The following CCDC171 variants were observed in gnomAD, a reference collection of about 807,000 sequenced individuals.
CCDC171 encodes the protein coiled-coil domain containing 171, also known as coiled-coil domain-containing protein 171.
CCDC171 carries 177 observed loss-of-function variants against 168.2 expected under a neutral mutation model. The observed-to-expected ratio is 1.05, with a 90% confidence interval of 0.93 to 1.19. CCDC171 has a LOEUF of 1.19. Ranked by LOEUF, CCDC171 falls within the 50% of genes most tolerant of loss-of-function variation. The pLI is 0.00. For missense variants in CCDC171, 1,991 were observed against 1,539.0 expected (o/e 1.29, Z -4.91); for synonymous variants, 687 against 540.8 (o/e 1.27, Z -3.75).
At chr9:15,976,460 G>A (rs1490124585), downstream of CCDC171, among the ~76,000 whole-genome samples, 1 of 151,884 alleles carries the variant, frequency 6.6e-6, no homozygotes, top group Non-Finnish European at 1.5e-5. Flanking sequence ...CAATTAACCT[G>A]TGATTTCAAT....
intron 7 of CCDC171, among the ~76,000 whole-genome samples, chr9:15,631,481 G>A (rs1288746523): frequency 2.0e-5 from 3 of 152,138 alleles, no homozygotes; most frequent in African/African-American, 7.2e-5. Context: ...GGAAGAAGTT[G>A]ACCTTCTGAA....
At chr9:16,091,666 G>A in the CCDC171 span, among the ~76,000 whole-genome samples, 1 of 152,132 alleles carries the variant, frequency 6.6e-6, no homozygotes, top group Non-Finnish European at 1.5e-5. Flanking sequence ...CTGTGAGCTG[G>A]GAATACCTGC....
intron 3 of CCDC171, among the ~76,000 whole-genome samples, chr9:16,011,668 G>C (rs1832872781): frequency 6.6e-6 from 1 of 152,116 alleles, no homozygotes; most frequent in African/African-American, 2.4e-5. Flanking sequence ...TGTCCATACA[G>C]TCATTCAGCA....
rs1056481463 is a variant in CCDC171 at position 15,973,440 on chromosome 9, T to C, written c.*1604T>C. 3.3e-5 allele frequency: 5 copies of C among 152,152 alleles called. No individual in the cohort carries two copies. The highest frequency in any genetic ancestry group is 1.2e-4 in the African/African-American group (5 of 41,444). 9.4% of individuals were successfully genotyped at this position (152,152 alleles called of 1,614,324 possible). A position where few individuals can be genotyped will look rare whatever the true frequency, so the allele number is the denominator to read the frequency against. ...TTAGTAGCCAAATTAGCCAAGTGAT[T>C]TATGCCATCTGAGGGAACACAGCAG... On this transcript the variant is annotated 3_prime_UTR_variant, in exon 26 of 26. Coordinates refer to ENST00000380701, the MANE Select transcript of CCDC171 (RefSeq NM_173550.4).
At chr9:15,557,167 GGTA>G (rs1225937178) in intron 1 of CCDC171, among the ~76,000 whole-genome samples, 1 of 152,144 alleles carries the variant, frequency 6.6e-6, no homozygotes, top group Non-Finnish European at 1.5e-5. Context: ...TTTGAAGTCA[GGTA>G]GTGTGATGCC....
Position 15,678,818 on chromosome 9 carries a change from G to T in CCDC171, c.1137G>T (p.Lys379Asn), listed in dbSNP as rs543500235. The T allele has an allele frequency of 2.8e-5, 44 of 1,595,658 alleles. No homozygotes were observed. The highest frequency in any genetic ancestry group is 3.5e-5 in the Non-Finnish European group (41 of 1,171,770). ...KKLNEDIEEQ[K>N]KVIIDLSKRL... ...TAAATGAAGACATCGAGGAACAGAA[G>T]AAAGTAATTATAGACCTTTCAAAGA... The change falls in exon 10 of 26, where the codon AAG becomes AAT. Residue 379 changes from lysine to asparagine, a missense_variant. Transcript: ENST00000380701.
chr9:15,978,473 T>G (rs3008743), downstream of CCDC171, among the ~76,000 whole-genome samples: 128,983 of 152,164 alleles, frequency 0.85, 54,818 homozygotes, highest in East Asian at 0.96. Flanking sequence ...TCAGCGTCCC[T>G]CCTGGGCTTT....
intron 18 of CCDC171, among the ~76,000 whole-genome samples, chr9:15,775,295 A>C (rs2057260133): frequency 6.6e-6 from 1 of 152,154 alleles, no homozygotes; most frequent in South Asian, 2.1e-4. Context: ...ATTTAGTATC[A>C]CCCTTCAGAT....
the CCDC171 span, among the ~76,000 whole-genome samples, chr9:16,086,486 T>C: frequency 1.3e-5 from 2 of 152,004 alleles, no homozygotes; most frequent in Non-Finnish European, 2.9e-5. Flanking sequence ...TTTTGTATTT[T>C]TAGTAGAGAT....
intron 7 of CCDC171, among the ~76,000 whole-genome samples, chr9:15,650,700 C>T (rs1318840919): frequency 6.6e-6 from 1 of 152,040 alleles, no homozygotes; most frequent in South Asian, 2.1e-4. Flanking sequence ...TCCTTTGATA[C>T]ACATGTTTTT....
At chr9:15,588,476 C>A in intron 4 of CCDC171, 1 of 298,824 alleles carries the variant, frequency 3.3e-6, no homozygotes, top group Non-Finnish European at 6.8e-6. Flanking sequence ...AAAAAGCCTT[C>A]TTTGCCCCTG....
downstream of CCDC171, among the ~76,000 whole-genome samples, chr9:16,062,758 T>C (rs890538384): frequency 6.6e-6 from 1 of 152,152 alleles, no homozygotes; most frequent in African/African-American, 2.4e-5. Context: ...CACAAATGAC[T>C]GAGCACATGA....
chr9:15,864,851 A>G (rs2061709657), intron 23 of CCDC171, among the ~76,000 whole-genome samples: 2 of 152,110 alleles, frequency 1.3e-5, no homozygotes, highest in Non-Finnish European at 2.9e-5. Flanking sequence ...GAAGAAGCTA[A>G]TAATTTTGTA....
chr9:16,002,135 A>ATTT (rs76881347), intron 3 of CCDC171, among the ~76,000 whole-genome samples: 1 of 102,466 alleles, frequency 9.8e-6, no homozygotes, highest in African/African-American at 3.6e-5. Flanking sequence ...GCCTACTATC[A>ATTT]TTTTTTTTTT....
chr9:15,954,756 C>CT (rs1005480661), intron 25 of CCDC171, among the ~76,000 whole-genome samples: 2 of 151,326 alleles, frequency 1.3e-5, no homozygotes, highest in African/African-American at 4.8e-5. Flanking sequence ...TCCAGAATTT[C>CT]TTTTTTTGTT....
chr9:15,985,942 G>A (rs1831971806), intron 3 of CCDC171, among the ~76,000 whole-genome samples: 1 of 152,184 alleles, frequency 6.6e-6, no homozygotes, highest in South Asian at 2.1e-4. Flanking sequence ...AGAATTTGCA[G>A]GGCATTCTTT....
intron 1 of CCDC171, among the ~76,000 whole-genome samples, chr9:16,046,164 GGTGA>G (rs1216146042): frequency 6.6e-6 from 1 of 152,202 alleles, no homozygotes; most frequent in African/African-American, 2.4e-5. Flanking sequence ...ACTATGGGTT[GGTGA>G]GTGTGAGGGC....
intron 3 of CCDC171, among the ~76,000 whole-genome samples, chr9:15,572,033 G>A (rs1307889602): frequency 1.3e-5 from 2 of 152,088 alleles, no homozygotes; most frequent in Admixed American, 1.3e-4. Context: ...CATGTTTGAT[G>A]ATTAAAGGAT....
intron 2 of CCDC171, among the ~76,000 whole-genome samples, chr9:15,569,817 A>AAAAAAAAC (rs1357662618): frequency 9.7e-6 from 1 of 103,298 alleles, no homozygotes; most frequent in African/African-American, 3.2e-5. Flanking sequence ...TCCGTCTCAA[A>AAAAAAAAC]AAAAAACAAA....
Sources: allele counts gnomAD v4.1 joint callset (sites outside exome capture counted in the v4.1 genomes callset), GRCh38; gene constraint gnomAD v4.1.1; transcripts MANE v1.5; gene names NCBI Gene and HGNC (gene_info 2026-07-23, HGNC 2026-07-21).